CLIP3: variants seen among roughly 807,000 people sequenced by gnomAD.
CLIP3 encodes the protein CAP-Gly domain containing linker protein 3, also known as CAP-Gly domain-containing linker protein 3.
In CLIP3, 15 loss-of-function variants were observed where a neutral mutation model predicts 59.4. The ratio of observed to expected loss-of-function variants is 0.25; its 90% CI spans 0.17 to 0.39. The LOEUF is 0.39. CLIP3 is among the 10% of genes least tolerant of loss of function. CLIP3 has a pLI of 1.00. For synonymous variants in CLIP3, 300 were observed against 321.6 expected, an observed-to-expected ratio of 0.93 and a Z score of 0.72; for missense variants, 495 against 765.7, an observed-to-expected ratio of 0.65 and a Z score of 4.17.
In CLIP3 at chr19:36,031,591, G is replaced by A. The variant is rs114290720; in HGVS notation, c.166+601C>T. On this transcript the variant is annotated intron_variant, in intron 2 of 13. Coordinates refer to ENST00000360535, the MANE Select transcript of CLIP3 (RefSeq NM_015526.3). ...TCCTACCTCAGATCCTTTACCCAGC[G>A]GTTACCTCTCCTGGGAGCCCTTTCC... 2.1e-3 allele frequency among the ~76,000 whole-genome samples: 312 copies of A among 152,114 alleles called. 4 individuals carry two copies. Among genetic ancestry groups the A allele is most frequent in the African/African-American group, 7.3e-3 (302 of 41,476 alleles).
At chr19:36,024,329 C>T in intron 7 of CLIP3, 67 bp downstream of exon 7, 1 of 1,412,718 alleles carries the variant, frequency 7.1e-7, no homozygotes, top group Admixed American at 1.8e-5. Context: ...GAGGACGCAG[C>T]TCCAAGGGAT....
chr19:36,027,012 C>CA lies in CLIP3; in HGVS notation c.339dup (p.Asp114Ter), dbSNP rs764771125. 6.3e-7 allele frequency: 1 copy of CA among 1,596,182 alleles called. No individual in the cohort carries two copies. On this transcript the variant is annotated frameshift_variant, in exon 4 of 14. Coordinates refer to ENST00000360535, the MANE Select transcript of CLIP3 (RefSeq NM_015526.3). LOFTEE classifies it high-confidence loss of function. ...AGCAGTGTCATGTCGGTCAGCCCGT[C>CA]ACGATCGTTCACATGGCAGCCTCGG...
chr19:36,027,402 CAGT>C, intron 2 of CLIP3, 131 bp from the exon 3 acceptor site: 2 of 972,592 alleles, frequency 2.1e-6, no homozygotes, highest in South Asian at 2.3e-5. Context: ...ACATGGGCCA[CAGT>C]CAACCCACAG....
Position 36,026,741 on chromosome 19 carries a change from G to T in CLIP3, c.407C>A (p.Pro136His). The change falls in exon 5 of 14, where the codon CCC becomes CAC. Residue 136 changes from proline (P) to histidine (H), a missense_variant. Transcript: ENST00000360535. This position sits in a 1 kb window ranked among gnomAD's most constrained non-coding sequence, Gnocchi z 6.3. ...CKAGAHGVGD[P>H]AAAVRLSQQL... is the part of the protein sequence containing the mutation. ...CTGCGAGAGGCGCACGGCTGCCGCGGGGTCCCCTGCGCGATAGGCCGGGTC... is the reference window on the plus strand; with the variant it reads ...CTGCGAGAGGCGCACGGCTGCCGCGTGGTCCCCTGCGCGATAGGCCGGGTC... 6.3e-7 allele frequency: 1 copy of T among 1,596,284 alleles called. No individual in the cohort carries two copies. The highest frequency in any genetic ancestry group is 8.5e-7 in the Non-Finnish European group (1 of 1,175,248).
rs1259648927 is a variant in CLIP3, at chr19:36,016,155, C to A, written c.*3G>T. 1 of 1,613,896 alleles carries A rather than the reference C, an allele frequency of 6.2e-7. No individual in the cohort carries two copies. Among genetic ancestry groups the A allele is most frequent in the Admixed American group, 1.7e-5 (1 of 60,000 alleles). On this transcript the variant is annotated 3_prime_UTR_variant, in exon 14 of 14. Coordinates refer to ENST00000360535, the MANE Select transcript of CLIP3 (RefSeq NM_015526.3). This position sits in a 1 kb window ranked among gnomAD's most constrained non-coding sequence, Gnocchi z 4.1. Reference sequence around the variant, plus strand: ...CTGTCTCTTTGTCAGGTGTCCAGGGCCTCTAAGACTGCATCTCCGCCCTCA... The same window carrying A: ...CTGTCTCTTTGTCAGGTGTCCAGGGACTCTAAGACTGCATCTCCGCCCTCA...
At chr19:36,025,960 G>A (rs188356827) in intron 6 of CLIP3, among the ~76,000 whole-genome samples, 187 bp downstream of exon 6, 1 of 152,198 alleles carries the variant, frequency 6.6e-6, no homozygotes. Context: ...GTAAAACAAG[G>A]CTTATAATAG....
At chr19:36,028,497 C>T (rs1229618008) in intron 2 of CLIP3, among the ~76,000 whole-genome samples, 1 of 152,206 alleles carries the variant, frequency 6.6e-6, no homozygotes, top group Non-Finnish European at 1.5e-5. Context: ...GCACCCAGCA[C>T]AGGGCCCTGG....
chr19:36,030,134 C>A (rs1332829940), intron 2 of CLIP3, among the ~76,000 whole-genome samples: 1 of 152,150 alleles, frequency 6.6e-6, no homozygotes, highest in Admixed American at 6.5e-5. Flanking sequence ...TAGCTTACTG[C>A]AGCATCGAAT....
Position 36,026,348 on chromosome 19 carries a change from C to G in CLIP3, c.563-83G>C. ...TCCCACCTCGGGGCTCATCTCTTAA[C>G]TTGCAGGTCCCAGAGCCTCCGACGC... On this transcript the variant is annotated intron_variant, in intron 5 of 13. Transcript: ENST00000360535. This position sits in a 1 kb window ranked among gnomAD's most constrained non-coding sequence, Gnocchi z 6.3. 2 of 1,319,280 alleles carry G rather than the reference C, an allele frequency of 1.5e-6. No homozygotes were observed. Among genetic ancestry groups the G allele is most frequent in the South Asian group, 2.5e-5 (2 of 80,792 alleles). The allele number at this position is 1,319,280 out of a possible 1,614,324, so 81.7% of individuals were successfully genotyped here. A position where few individuals can be genotyped will look rare whatever the true frequency, so the allele number is the denominator to read the frequency against.
chr19:36,032,208 G>C lies in CLIP3; in HGVS notation c.150C>G (p.Pro50=). 7.7e-7 allele frequency: 1 copy of C among 1,293,546 alleles called. No homozygotes were observed. Among genetic ancestry groups the C allele is most frequent in the Non-Finnish European group, 9.9e-7 (1 of 1,010,768 alleles). 80.1% of individuals were successfully genotyped at this position (1,293,546 alleles called of 1,614,324 possible). The change falls in exon 2 of 14, where the codon CCC becomes CCG. Residue 50 remains proline (P), a synonymous_variant. Transcript: ENST00000360535. The surrounding 1 kb of genome is among the most constrained non-coding windows in gnomAD (Gnocchi z 4.3). ...AGTGGTTACCGTAGTCCTTAGGGAG[G>C]GGGGCAGGTGCCGAGGGGTGCACAA... ...KPVVHPSAPA[P]LPKDYAFTFF...
chr19:36,026,134 A>G lies in CLIP3; in HGVS notation c.681+13T>C. 6.2e-7 allele frequency: 1 copy of G among 1,602,150 alleles called. No individual in the cohort carries two copies. The highest frequency in any genetic ancestry group is 1.3e-5 in the African/African-American group (1 of 74,794). Reference sequence around the variant, plus strand: ...GCAGGAGGGTAACGGGTTCTGGGCAAGGGTGGCAGTACCCTCAGCGCAGGG... The same window carrying G: ...GCAGGAGGGTAACGGGTTCTGGGCAGGGGTGGCAGTACCCTCAGCGCAGGG... On this transcript the variant is annotated intron_variant, in intron 6 of 13. Transcript: ENST00000360535. This position sits in a 1 kb window ranked among gnomAD's most constrained non-coding sequence, Gnocchi z 6.3.
chr19:36,026,411 G>A lies in CLIP3; in HGVS notation c.563-146C>T. ...CCACCTCGGAGCCCCCCTCTCCCTT[G>A]GCAGCCCCGACCCTCCCTAGAGTGG... On this transcript the variant is annotated intron_variant, in intron 5 of 13. Coordinates refer to ENST00000360535, the MANE Select transcript of CLIP3 (RefSeq NM_015526.3). This position sits in a 1 kb window ranked among gnomAD's most constrained non-coding sequence, Gnocchi z 6.3. 9.8e-7 allele frequency: 1 copy of A among 1,020,818 alleles called. No individual in the cohort carries two copies. Among genetic ancestry groups the A allele is most frequent in the Non-Finnish European group, 1.4e-6 (1 of 719,086 alleles). The allele number at this position is 1,020,818 out of a possible 1,614,324, so 63.2% of individuals were successfully genotyped here. A position where few individuals can be genotyped will look rare whatever the true frequency, so the allele number is the denominator to read the frequency against.
At chr19:36,021,908 TCA>T (rs1225008816) in intron 7 of CLIP3, among the ~76,000 whole-genome samples, 3 of 152,032 alleles carry the variant, frequency 2.0e-5, no homozygotes, top group African/African-American at 7.2e-5. Context: ...AGACGGAGTC[TCA>T]CACTTTGGCC....
intron 2 of CLIP3, among the ~76,000 whole-genome samples, chr19:36,028,369 A>C (rs1292393716): frequency 6.6e-6 from 1 of 152,120 alleles, no homozygotes; most frequent in African/African-American, 2.4e-5. Context: ...ATAAAAATGA[A>C]AATAAAATAA....
intron 6 of CLIP3, among the ~76,000 whole-genome samples, chr19:36,025,057 C>G (rs1396263822): frequency 6.7e-6 from 1 of 149,438 alleles, no homozygotes; most frequent in African/African-American, 2.5e-5. Flanking sequence ...CAGAGCGAGA[C>G]TCCGTCTCAA....
intron 8 of CLIP3, 43 bp from the exon 9 acceptor site, chr19:36,019,069 C>T (rs1568540111): frequency 6.3e-7 from 1 of 1,588,148 alleles, no homozygotes; most frequent in Non-Finnish European, 8.6e-7. Flanking sequence ...CAAGCCTCTG[C>T]CCTCGGCCCC....
chr19:36,020,424 G>A (rs1968923561), intron 7 of CLIP3, among the ~76,000 whole-genome samples: 1 of 151,990 alleles, frequency 6.6e-6, no homozygotes. Flanking sequence ...CCAACATGGT[G>A]AAACCCCCAT....
chr19:36,019,390 T>C (rs1244552288), intron 7 of CLIP3, 84 bp from the exon 8 acceptor site: 2 of 1,527,862 alleles, frequency 1.3e-6, no homozygotes, highest in Non-Finnish European at 1.8e-6. Flanking sequence ...GCAAGGTGGG[T>C]TGCATGAGGC....
In CLIP3 at chr19:36,017,435, A is replaced by G; in HGVS notation, c.1467T>C (p.Thr489=). The change falls in exon 12 of 14, where the codon ACT becomes ACC. Residue 489 remains threonine (T), a synonymous_variant. Coordinates refer to ENST00000360535, the MANE Select transcript of CLIP3 (RefSeq NM_015526.3). Reference sequence around the variant, plus strand: ...CTCCAACGCTGTCCCCGGGGGAATCAGTGGATCCGCCAATCCTGAGGAGAC... The same window carrying G: ...CTCCAACGCTGTCCCCGGGGGAATCGGTGGATCCGCCAATCCTGAGGAGAC... ...ASRIQRIGGS[T]DSPGDSVGAK... 1 of 1,614,030 alleles carries G rather than the reference A, an allele frequency of 6.2e-7. No individual in the cohort carries two copies. The highest frequency in any genetic ancestry group is 8.5e-7 in the Non-Finnish European group (1 of 1,180,014).
Sources: gnomAD v4.1 joint callset for allele counts (sites outside exome capture counted in the v4.1 genomes callset) on GRCh38, gnomAD v4.1.1 for gene constraint, Gnocchi (gnomAD v3.1) non-coding constraint, MANE v1.5 for transcripts, NCBI Gene and HGNC (gene_info 2026-07-23, HGNC 2026-07-21) for gene names.